FTO: variants seen among roughly 807,000 people sequenced by gnomAD.
FTO encodes FTO alpha-ketoglutarate dependent dioxygenase.
In FTO, 47 loss-of-function variants were observed where a neutral mutation model predicts 63.9. The ratio of observed to expected loss-of-function variants is 0.74; its 90% confidence interval spans 0.58 to 0.94. FTO has a LOEUF of 0.94. Among genes scored for constraint, FTO ranks in the 40% least tolerant of loss-of-function variants. FTO has a pLI of 0.00. For synonymous variants in FTO, 207 were observed against 224.4 expected, an observed-to-expected ratio of 0.92 and a Z score of 0.69; for missense variants, 562 against 618.1, an observed-to-expected ratio of 0.91 and a Z score of 0.96.
At chr16:53,971,743 A>G (rs2083322828) in intron 8 of FTO, among the ~76,000 whole-genome samples, 1 of 152,226 alleles carries the variant, frequency 6.6e-6, no homozygotes, top group East Asian at 1.9e-4. Flanking sequence ...GAGTTGGGCC[A>G]GGGCCTAAGC....
intron 8 of FTO, among the ~76,000 whole-genome samples, chr16:54,087,039 C>T (rs1399144276): frequency 4.6e-5 from 7 of 152,172 alleles, no homozygotes; most frequent in African/African-American, 1.2e-4. Context: ...ACTGAGAGCC[C>T]AAGGCCTTCC....
intron 7 of FTO, among the ~76,000 whole-genome samples, chr16:53,910,445 G>A (rs1382775195): frequency 1.3e-5 from 2 of 152,136 alleles, no homozygotes; most frequent in Non-Finnish European, 2.9e-5. Context: ...GGAGGCATGG[G>A]GACCTGCTGC....
intron 8 of FTO, among the ~76,000 whole-genome samples, chr16:54,076,156 T>A (rs1170263085): frequency 6.6e-6 from 1 of 152,230 alleles, no homozygotes; most frequent in Non-Finnish European, 1.5e-5. Context: ...GGCTTGTGTA[T>A]ATTTATAGTG....
intron 8 of FTO, chr16:54,063,671 G>A (rs774100407): frequency 1.3e-5 from 2 of 151,374 alleles, no homozygotes; most frequent in Non-Finnish European, 1.5e-5. Flanking sequence ...TGGCCCAGAG[G>A]CACAGCCATT....
chr16:53,914,415 C>CT (rs1311282750), intron 7 of FTO, among the ~76,000 whole-genome samples: 3 of 151,762 alleles, frequency 2.0e-5, no homozygotes, highest in African/African-American at 4.8e-5. Context: ...TCAGTAACGT[C>CT]TTTTTTTGGA....
intron 8 of FTO, among the ~76,000 whole-genome samples, chr16:54,091,884 G>C (rs1258430347): frequency 1.3e-5 from 2 of 152,194 alleles, no homozygotes; most frequent in African/African-American, 2.4e-5. Flanking sequence ...CAACCTGATG[G>C]GGTTACTGGG....
intron 1 of FTO, among the ~76,000 whole-genome samples, chr16:53,707,322 G>A (rs1184790821): frequency 6.6e-6 from 1 of 152,072 alleles, no homozygotes; most frequent in African/African-American, 2.4e-5. Context: ...CTCTGTTTCT[G>A]TGTCTCAAAT....
intron 2 of FTO, chr16:53,814,920 C>T (rs1377724596): frequency 1.3e-5 from 2 of 152,154 alleles, no homozygotes; most frequent in East Asian, 3.9e-4. Context: ...GAGCTTATTT[C>T]TTGTGGGGCA....
intron 1 of FTO, among the ~76,000 whole-genome samples, chr16:53,789,664 G>T (rs537964093): frequency 2.0e-5 from 3 of 151,372 alleles, no homozygotes; most frequent in East Asian, 1.9e-4. Flanking sequence ...TGAATTTTTT[G>T]ATTTCTTCAA....
intron 1 of FTO, among the ~76,000 whole-genome samples, chr16:53,712,020 G>C (rs903377435): frequency 6.6e-6 from 1 of 152,184 alleles, no homozygotes; most frequent in Non-Finnish European, 1.5e-5. Context: ...TTGAGACCAG[G>C]AGTTGGAGGT....
chr16:54,055,536 A>G (rs2085411768), intron 8 of FTO, among the ~76,000 whole-genome samples: 1 of 152,238 alleles, frequency 6.6e-6, no homozygotes, highest in Non-Finnish European at 1.5e-5. Flanking sequence ...TTAAAAAGAG[A>G]TAACGTAAAC....
At chr16:53,720,824 C>G (rs1309777623) in intron 1 of FTO, among the ~76,000 whole-genome samples, 1 of 151,776 alleles carries the variant, frequency 6.6e-6, no homozygotes, top group Non-Finnish European at 1.5e-5. Context: ...GGGTCCTGCT[C>G]TGTCACCCAG....
At chr16:53,935,735 ATG>A (rs1305554140) in intron 8 of FTO, 4 of 152,172 alleles carry the variant, frequency 2.6e-5, no homozygotes, top group African/African-American at 9.7e-5. Context: ...AACTAAAGTA[ATG>A]ACTAAATGAT....
intron 8 of FTO, among the ~76,000 whole-genome samples, chr16:54,027,865 G>A (rs2084749290): frequency 6.6e-6 from 1 of 152,070 alleles, no homozygotes; most frequent in African/African-American, 2.4e-5. Flanking sequence ...AGTCCCTCTT[G>A]TTTTTTTGTA....
intron 8 of FTO, among the ~76,000 whole-genome samples, chr16:54,031,925 T>A (rs1176454646): frequency 1.3e-5 from 2 of 152,116 alleles, no homozygotes; most frequent in Non-Finnish European, 2.9e-5. Context: ...TAGAATTCCA[T>A]ATGAGAGTGG....
intron 8 of FTO, among the ~76,000 whole-genome samples, chr16:54,065,371 C>T (rs1179836230): frequency 6.6e-6 from 1 of 151,826 alleles, no homozygotes; most frequent in East Asian, 1.9e-4. Flanking sequence ...ACTGTGTTGC[C>T]CAGGCTGGTC....
At chr16:53,977,210 T>C (rs2083452725) in intron 8 of FTO, among the ~76,000 whole-genome samples, 1 of 152,146 alleles carries the variant, frequency 6.6e-6, no homozygotes, top group Admixed American at 6.5e-5. Flanking sequence ...AATCAGATAT[T>C]GTTTTGAGGG....
At chr16:53,985,458 A>AC (rs1223577749) in intron 8 of FTO, among the ~76,000 whole-genome samples, 12 of 152,222 alleles carry the variant, frequency 7.9e-5, no homozygotes, top group Non-Finnish European at 1.3e-4. Context: ...GTGTAGGATG[A>AC]CCAGACATGA....
intron 8 of FTO, among the ~76,000 whole-genome samples, chr16:54,087,541 C>T (rs1366372164): frequency 6.6e-6 from 1 of 152,134 alleles, no homozygotes; most frequent in African/African-American, 2.4e-5. Flanking sequence ...CAGTGGCTCA[C>T]ACCTGTAATC....
Sources: gnomAD v4.1 joint callset for allele counts (sites outside exome capture counted in the v4.1 genomes callset) on GRCh38, gnomAD v4.1.1 for gene constraint, MANE v1.5 for transcripts, NCBI Gene and HGNC (gene_info 2026-07-23, HGNC 2026-07-21) for gene names.